PANK1: variants seen among roughly 807,000 people sequenced by gnomAD.
PANK1 encodes pantothenate kinase 1, also known as pantothenic acid kinase 1.
PANK1 carries 18 observed loss-of-function variants against 40.1 expected under a neutral mutation model. That is an observed-to-expected ratio of 0.45 (90% CI 0.31 to 0.67). PANK1 has a LOEUF of 0.67. Among genes scored for constraint, PANK1 ranks in the 30% least tolerant of loss-of-function variants. The pLI is 0.06. For synonymous variants in PANK1, 242 were observed against 237.7 expected, an observed-to-expected ratio of 1.02 and a Z score of -0.17; for missense variants, 457 against 599.6, an observed-to-expected ratio of 0.76 and a Z score of 2.48.
intron 2 of PANK1, among the ~76,000 whole-genome samples, chr10:89,604,140 C>T (rs1039203124): frequency 6.6e-6 from 1 of 152,072 alleles, no homozygotes; most frequent in Non-Finnish European, 1.5e-5. Context: ...CTTTCTGTTG[C>T]CCTAAATTTA....
intron 1 of PANK1, among the ~76,000 whole-genome samples, chr10:89,637,696 C>A (rs1325002038): frequency 1.3e-5 from 2 of 152,118 alleles, no homozygotes; most frequent in Non-Finnish European, 2.9e-5. Flanking sequence ...GTAGACTTTA[C>A]AAACATTGTT....
chr10:89,625,879 T>C (rs1845646484), intron 1 of PANK1: 1 of 152,184 alleles, frequency 6.6e-6, no homozygotes, highest in South Asian at 2.1e-4. Context: ...CCCAAAAATG[T>C]CAAATCCATG....
chr10:89,610,607 T>C (rs1038997306), intron 2 of PANK1, among the ~76,000 whole-genome samples: 6 of 152,232 alleles, frequency 3.9e-5, no homozygotes, highest in African/African-American at 1.4e-4. Context: ...TTTGCATTTA[T>C]AGCTTTATTA....
chr10:89,612,410 A>T (rs921888513), intron 1 of PANK1, among the ~76,000 whole-genome samples: 1 of 152,196 alleles, frequency 6.6e-6, no homozygotes, highest in Non-Finnish European at 1.5e-5. Context: ...ATATTTTTGC[A>T]TACATCCTGG....
At chr10:89,636,344 T>TATTAA (rs1564638626) in intron 1 of PANK1, among the ~76,000 whole-genome samples, 1 of 149,796 alleles carries the variant, frequency 6.7e-6, no homozygotes, top group East Asian at 1.9e-4. Flanking sequence ...ATTATTATTT[T>TATTAA]TAATTTTTAT....
chr10:89,643,803 TA>T, intron 1 of PANK1: 18 of 1,607,476 alleles, frequency 1.1e-5, no homozygotes, highest in Non-Finnish European at 1.5e-5. Flanking sequence ...CCTACAAATT[TA>T]CATCCCACAG....
rs1844097492 is a variant in PANK1, at chr10:89,583,462, T to C, written c.*944A>G. The C allele has an allele frequency of 6.6e-6, 1 of 152,190 alleles. No individual in the cohort carries two copies. The highest frequency in any genetic ancestry group is 1.5e-5 in the Non-Finnish European group (1 of 68,018). The allele number at this position is 152,190 out of a possible 1,614,324, so 9.4% of individuals were successfully genotyped here. A position where few individuals can be genotyped will look rare whatever the true frequency, so the allele number is the denominator to read the frequency against. On this transcript the variant is annotated 3_prime_UTR_variant, in exon 7 of 7. Coordinates refer to ENST00000307534, the MANE Select transcript of PANK1 (RefSeq NM_148977.3). ...CCATGACTTACCCTAAATCTCCTGA[T>C]ATGAACAATTAATCTACTGGGAGGC... is the stretch of plus-strand genomic sequence containing the variant.
At chr10:89,605,171 C>G (rs996066844) in intron 2 of PANK1, among the ~76,000 whole-genome samples, 1 of 152,128 alleles carries the variant, frequency 6.6e-6, no homozygotes, top group Middle Eastern at 3.2e-3. Flanking sequence ...TGGAGGGTCT[C>G]CCCTCAATGT....
chr10:89,630,467 A>G (rs1415495593), intron 1 of PANK1, among the ~76,000 whole-genome samples: 1 of 151,874 alleles, frequency 6.6e-6, no homozygotes, highest in Non-Finnish European at 1.5e-5. Context: ...ACTCCCTCAA[A>G]CATTAGGTGA....
chr10:89,645,167 C>T lies in PANK1; in HGVS notation c.-276G>A, dbSNP rs1467098721. 2.6e-6 allele frequency: 4 copies of T among 1,552,154 alleles called. No homozygotes were observed. Among genetic ancestry groups the T allele is most frequent in the Non-Finnish European group, 3.5e-6 (4 of 1,152,902 alleles). On this transcript the variant is annotated 5_prime_UTR_variant, in exon 1 of 7. Coordinates refer to ENST00000307534, the MANE Select transcript of PANK1 (RefSeq NM_148977.3). Reference sequence around the variant, plus strand: ...TCGGGGATCCCCGCGCACCCCCAGCCGGGGCTCCCGCCGCCCGCCTTCCCC... The same window carrying T: ...TCGGGGATCCCCGCGCACCCCCAGCTGGGGCTCCCGCCGCCCGCCTTCCCC...
chr10:89,633,420 A>T (rs1426083527), intron 1 of PANK1, among the ~76,000 whole-genome samples: 2 of 152,186 alleles, frequency 1.3e-5, no homozygotes, highest in Non-Finnish European at 2.9e-5. Flanking sequence ...AAAACCTTCC[A>T]CAAAAAAGGA....
In PANK1 at chr10:89,611,953, C is replaced by A. The variant is rs1845168763; in HGVS notation, c.388G>T (p.Val130Leu). The A allele has an allele frequency of 6.2e-7, 1 of 1,614,072 alleles. No homozygotes were observed. The part of the protein sequence containing the change: ...DITAEEEQEE[V>L]ENLKSIRKYL... ...TTCCGGATGCTCTTCAGGTTCTCCA[C>A]TTCCTCTTGCTCCTCTTCGGCTGTA... The change falls in exon 2 of 7, where the codon GTG (valine) becomes TTG (leucine). Residue 130 changes from valine to leucine, a missense_variant. Around this residue, in one of 4 missense-constraint regions of PANK1, gnomAD observed 286 missense variants for 415.8 expected, o/e 0.69. Transcript: ENST00000307534.
At chr10:89,611,417 G>A (rs1179895991) in intron 2 of PANK1, among the ~76,000 whole-genome samples, 2 of 152,150 alleles carry the variant, frequency 1.3e-5, no homozygotes, top group South Asian at 2.1e-4. Context: ...TGTCTTTAGC[G>A]TATTACCCAG....
chr10:89,591,229 C>T (rs569792361), intron 5 of PANK1, among the ~76,000 whole-genome samples: 5 of 151,338 alleles, frequency 3.3e-5, no homozygotes, highest in Non-Finnish European at 7.4e-5. Flanking sequence ...TATTGTAATA[C>T]GTACAATAAA....
chr10:89,642,817 G>A (rs1842005237), intron 1 of PANK1, among the ~76,000 whole-genome samples: 1 of 152,046 alleles, frequency 6.6e-6, no homozygotes. Context: ...AAGAAAACAT[G>A]GTAAATAATG....
At chr10:89,620,193 A>C (rs1845437465) in intron 1 of PANK1, among the ~76,000 whole-genome samples, 2 of 152,258 alleles carry the variant, frequency 1.3e-5, no homozygotes, top group Non-Finnish European at 1.5e-5. Flanking sequence ...AACAATATGA[A>C]ATCTGGACAT....
intron 1 of PANK1, among the ~76,000 whole-genome samples, chr10:89,630,728 G>A (rs935900084): frequency 3.9e-5 from 6 of 152,096 alleles, no homozygotes; most frequent in African/African-American, 1.4e-4. Flanking sequence ...TCCTGACCTC[G>A]TGATCCGCCC....
At chr10:89,620,278 C>T (rs1845440932) in intron 1 of PANK1, among the ~76,000 whole-genome samples, 1 of 152,128 alleles carries the variant, frequency 6.6e-6, no homozygotes, top group African/African-American at 2.4e-5. Context: ...GCCTGCAGGG[C>T]TGGGCAGAAC....
chr10:89,627,101 G>A (rs943017927), intron 1 of PANK1, among the ~76,000 whole-genome samples: 1 of 152,156 alleles, frequency 6.6e-6, no homozygotes, highest in African/African-American at 2.4e-5. Flanking sequence ...GGAAAGGTAT[G>A]CCAACTGCTC....
Sources: gnomAD v4.1 joint callset for allele counts (sites outside exome capture counted in the v4.1 genomes callset) on GRCh38, gnomAD v4.1.1 for gene constraint, gnomAD v4.1.1 regional missense constraint, MANE v1.5 for transcripts, NCBI Gene and HGNC (gene_info 2026-07-23, HGNC 2026-07-21) for gene names.